Variants in IQCH observed in about 807,000 individuals in gnomAD.
IQCH encodes the protein IQ motif containing H.
IQCH carries 98 observed loss-of-function variants against 117.0 expected under a neutral mutation model. That is an observed-to-expected ratio of 0.84 (90% CI 0.71 to 0.99). The LOEUF is 0.99. Ranked by LOEUF, IQCH falls within the 50% of genes least tolerant of loss-of-function variation. The pLI is 0.00. For missense variants in IQCH, 1,102 were observed against 1,243.8 expected (o/e 0.89, Z 1.72); for synonymous variants, 412 against 448.2 (o/e 0.92, Z 1.02).
intron 4 of IQCH, among the ~76,000 whole-genome samples, chr15:67,322,184 A>G (rs1224795754): frequency 1.3e-5 from 2 of 152,058 alleles, no homozygotes; most frequent in African/African-American, 4.8e-5. Flanking sequence ...TTTCCTGGTT[A>G]TAAGAAACTT....
intron 10 of IQCH, among the ~76,000 whole-genome samples, chr15:67,380,589 A>G (rs1970893854): frequency 6.6e-6 from 1 of 152,210 alleles, no homozygotes; most frequent in Non-Finnish European, 1.5e-5. Context: ...AGATGCTGAT[A>G]TGCAATCATT....
intron 12 of IQCH, among the ~76,000 whole-genome samples, chr15:67,389,646 G>A (rs1376463119): frequency 6.6e-6 from 1 of 152,100 alleles, no homozygotes; most frequent in Non-Finnish European, 1.5e-5. Context: ...ACTTTAACAA[G>A]AATTTAAACC....
At chr15:67,437,233 T>G (rs1449949140) in intron 16 of IQCH, among the ~76,000 whole-genome samples, 4 of 152,196 alleles carry the variant, frequency 2.6e-5, no homozygotes, top group Non-Finnish European at 4.4e-5. Context: ...ATCACAGGAC[T>G]CTATGCAGAC....
At position 67,384,795 on chromosome 15, in the gene IQCH, C is replaced by A. The variant is rs527916004; in HGVS notation, c.1373-141C>A. The A allele has an allele frequency of 5.1e-6, 3 of 587,026 alleles. No homozygotes were observed. The highest frequency in any genetic ancestry group is 5.0e-5 in the Admixed American group (2 of 39,900). 36.4% of individuals were successfully genotyped at this position (587,026 alleles called of 1,614,324 possible). A position where few individuals can be genotyped will look rare whatever the true frequency, so the allele number is the denominator to read the frequency against. On this transcript the variant is annotated intron_variant, in intron 10 of 20. Coordinates refer to ENST00000335894, the MANE Select transcript of IQCH (RefSeq NM_001031715.3). This position sits in a 1 kb window ranked among gnomAD's most constrained non-coding sequence, Gnocchi z 4.3. ...CCCGAGAAACAAGCACCTCATTCTT[C>A]GGGATTGGGTTGTTTCTGTAAGATG...
At chr15:67,288,072 ATCTC>A (rs1233907398) in intron 4 of IQCH, among the ~76,000 whole-genome samples, 1 of 151,896 alleles carries the variant, frequency 6.6e-6, no homozygotes, top group East Asian at 1.9e-4. Context: ...TTTGTTATTG[ATCTC>A]TAGTTTTATT....
In IQCH at chr15:67,425,519, G is replaced by A. The variant is rs2081864507; in HGVS notation, c.2505+3942G>A. On this transcript the variant is annotated intron_variant, in intron 16 of 20. Coordinates refer to ENST00000335894, the MANE Select transcript of IQCH (RefSeq NM_001031715.3). This position sits in a 1 kb window ranked among gnomAD's most constrained non-coding sequence, Gnocchi z 5.5. ...CCCAGCTGCCCGGGAGGCTAAGGCA[G>A]GAGAATCACTTGAACCCAGGAGGTG... Among the ~76,000 whole-genome samples the A allele has an allele frequency of 6.6e-6, 1 of 152,152 alleles. No homozygotes were observed. Among genetic ancestry groups the A allele is most frequent in the Non-Finnish European group, 1.5e-5 (1 of 68,012 alleles).
chr15:67,265,262 T>C (rs1045319360), intron 3 of IQCH, among the ~76,000 whole-genome samples: 2 of 152,240 alleles, frequency 1.3e-5, no homozygotes, highest in African/African-American at 2.4e-5. Context: ...AATCTTTTCT[T>C]ACACAGTTCT....
intron 20 of IQCH, among the ~76,000 whole-genome samples, chr15:67,499,227 A>G (rs1210540185): frequency 2.1e-5 from 3 of 143,414 alleles, no homozygotes; most frequent in African/African-American, 7.7e-5. Context: ...TGAGCCCAGA[A>G]GGTCAAAGCT....
intron 14 of IQCH, among the ~76,000 whole-genome samples, chr15:67,402,034 T>C (rs565843309): frequency 9.2e-5 from 14 of 152,218 alleles, no homozygotes; most frequent in Non-Finnish European, 1.9e-4. Context: ...CTATGATAAA[T>C]TTGAAATGTT....
In IQCH at chr15:67,466,848, C is replaced by T. The variant is rs1311185856; in HGVS notation, c.2676+1551C>T. 6.6e-6 allele frequency: 1 copy of T among 152,376 alleles called. No homozygotes were observed. Among genetic ancestry groups the T allele is most frequent in the Non-Finnish European group, 1.5e-5 (1 of 68,198 alleles). 9.4% of individuals were successfully genotyped at this position (152,376 alleles called of 1,614,324 possible). A position where few individuals can be genotyped will look rare whatever the true frequency, so the allele number is the denominator to read the frequency against. Reference sequence around the variant, plus strand: ...ATCCTCACCAAAGAGACCTGAGAGACCCTATGTTCAGTGCTAGAGGGAGAA... The same window carrying T: ...ATCCTCACCAAAGAGACCTGAGAGATCCTATGTTCAGTGCTAGAGGGAGAA... On this transcript the variant is annotated intron_variant, in intron 17 of 20. Transcript: ENST00000335894. The surrounding 1 kb of genome is among the most constrained non-coding windows in gnomAD (Gnocchi z 4.4).
At chr15:67,394,354 CTGT>C (rs1388181860) in intron 12 of IQCH, among the ~76,000 whole-genome samples, 1 of 152,134 alleles carries the variant, frequency 6.6e-6, no homozygotes, top group Non-Finnish European at 1.5e-5. Context: ...GAGGTAGATA[CTGT>C]TATTACACTC....
intron 8 of IQCH, among the ~76,000 whole-genome samples, chr15:67,362,739 AG>A (rs1264505298): frequency 1.3e-5 from 2 of 152,206 alleles, no homozygotes; most frequent in African/African-American, 4.8e-5. Flanking sequence ...TCCTAGCAAT[AG>A]GGGGCTGTAG....
At chr15:67,302,405 C>T (rs1024212723) in intron 4 of IQCH, among the ~76,000 whole-genome samples, 1 of 152,118 alleles carries the variant, frequency 6.6e-6, no homozygotes, top group African/African-American at 2.4e-5. Context: ...GTGAGTGTTA[C>T]CCACAGAAGA....
intron 3 of IQCH, among the ~76,000 whole-genome samples, chr15:67,270,013 G>A (rs1457315392): frequency 1.3e-5 from 2 of 152,134 alleles, no homozygotes; most frequent in Non-Finnish European, 2.9e-5. Context: ...TAGTGGGATG[G>A]CTGGGTCTTA....
rs1265276955 is a variant in IQCH, at chr15:67,366,074, T to TTACTTTGGTGA, written c.754-6034_754-6024dup. Among the ~76,000 whole-genome samples, 1 of 152,218 alleles carries TTACTTTGGTGA rather than the reference T, an allele frequency of 6.6e-6. No homozygotes were observed. Among genetic ancestry groups the TTACTTTGGTGA allele is most frequent in the African/African-American group, 2.4e-5 (1 of 41,458 alleles). On this transcript the variant is annotated intron_variant, in intron 8 of 20. Coordinates refer to ENST00000335894, the MANE Select transcript of IQCH (RefSeq NM_001031715.3). The surrounding 1 kb of genome is among the most constrained non-coding windows in gnomAD (Gnocchi z 4.4). Reference sequence around the variant, plus strand: ...CTCAGGAAACATGGAATGTCAAGCTTTACTTTGGTGATAATAGCAGTCCTT... The same window carrying TTACTTTGGTGA: ...CTCAGGAAACATGGAATGTCAAGCTTTACTTTGGTGATACTTTGGTGATAATAGCAGTCCTT...
In IQCH at chr15:67,410,898, C is replaced by A. The variant is rs79287697; in HGVS notation, c.2098-6033C>A. ...GCAGTTACCAGCACAGATTCCACTG[C>A]ATCATGGCACACTGGTAGCAATTGG... is the stretch of plus-strand genomic sequence containing the variant. On this transcript the variant is annotated intron_variant, in intron 14 of 20. Coordinates refer to ENST00000335894, the MANE Select transcript of IQCH (RefSeq NM_001031715.3). 5.7e-3 allele frequency among the ~76,000 whole-genome samples: 865 copies of A among 152,262 alleles called. 2 individuals are homozygous for A. Among genetic ancestry groups the A allele is most frequent in the Non-Finnish European group, 0.01 (686 of 68,020 alleles).
rs1016380082 is a variant in IQCH at position 67,465,233 on chromosome 15, A to C, written c.2612A>C (p.Glu871Ala). ...CTGGATTGCAGTTTGAGCACCCTGG[A>C]AGTGCCCCGCTTTGTTCCAAAGGAA... ...GHLDCSLSTLEVPRFVPKERK... is the reference protein window; with the variant it reads ...GHLDCSLSTLAVPRFVPKERK... The change falls in exon 17 of 21, where the codon GAA becomes GCA. Residue 871 changes from glutamate (E) to alanine (A), a missense_variant. Physicochemically the swap from Glu to Ala is moderately radical, Grantham distance 107 (BLOSUM62 -1). Around this residue, in one of 2 missense-constraint regions of IQCH, gnomAD observed 650 missense variants for 794.3 expected, o/e 0.82. Coordinates refer to ENST00000335894, the MANE Select transcript of IQCH (RefSeq NM_001031715.3). The surrounding 1 kb of genome is among the most constrained non-coding windows in gnomAD (Gnocchi z 5.9). 2 of 1,613,928 alleles carry C rather than the reference A, an allele frequency of 1.2e-6. No homozygotes were observed. Among genetic ancestry groups the C allele is most frequent in the Non-Finnish European group, 1.7e-6 (2 of 1,180,036 alleles).
chr15:67,272,222 G>C (rs1319061531), intron 3 of IQCH, among the ~76,000 whole-genome samples: 3 of 151,888 alleles, frequency 2.0e-5, no homozygotes, highest in Non-Finnish European at 4.4e-5. Context: ...AGTTTCCAAG[G>C]TTCCTCTTGT....
rs541755826 is a variant in IQCH, at chr15:67,436,029, T to G, written c.2505+14452T>G. On this transcript the variant is annotated intron_variant, in intron 16 of 20. Transcript: ENST00000335894. This position sits in a 1 kb window ranked among gnomAD's most constrained non-coding sequence, Gnocchi z 5.1. ...TAAATGTTGCGGTGGAAAAGTACAT[T>G]TGCTTTAGGCTTTACCTATTTCTTA... is the stretch of plus-strand genomic sequence containing the variant. Among the ~76,000 whole-genome samples, 5 of 152,116 alleles carry G rather than the reference T, an allele frequency of 3.3e-5. No individual in the cohort carries two copies. The highest frequency in any genetic ancestry group is 5.9e-5 in the Non-Finnish European group (4 of 68,018).
Sources: allele counts gnomAD v4.1 joint callset (sites outside exome capture counted in the v4.1 genomes callset), GRCh38; gene constraint gnomAD v4.1.1; regional missense constraint gnomAD v4.1.1; non-coding constraint Gnocchi (gnomAD v3.1); transcripts MANE v1.5; gene names NCBI Gene and HGNC (gene_info 2026-07-23, HGNC 2026-07-21).